The following MARF1 variants were observed in gnomAD, a reference collection of about 807,000 sequenced individuals.
MARF1 encodes meiosis regulator and mRNA stability factor 1.
A neutral mutation model predicts 168.2 loss-of-function variants in MARF1; 24 were observed. The ratio of observed to expected loss-of-function variants is 0.14; its 90% CI spans 0.10 to 0.20. The LOEUF (loss-of-function observed/expected upper bound fraction) is 0.20, where lower values mean the gene tolerates loss of function less well. MARF1 is among the 10% of genes least tolerant of loss of function. The pLI is 1.00. For missense variants in MARF1, 1,744 were observed against 2,143.6 expected, an observed-to-expected ratio of 0.81 and a Z score of 3.68; for synonymous variants, 868 against 822.4, an observed-to-expected ratio of 1.06 and a Z score of -0.95.
chr16:15,630,377 T>G lies in MARF1; in HGVS notation c.1479A>C (p.Glu493Asp). Residue 493 changes from glutamate to aspartate, a missense_variant, in exon 7 of 27, where the codon GAA (glutamate) becomes GAC (aspartate). Glu to Asp is a conservative substitution (Grantham distance 45, BLOSUM62 2). Coordinates refer to ENST00000396368, the MANE Select transcript of MARF1 (RefSeq NM_014647.4). Reference protein sequence around the residue: ...LHHANELIRFEEFISDLPPRL... With the variant: ...LHHANELIRFDEFISDLPPRL... ...TGGGGGGCAAGTCGGAAATGAACTC[T>G]TCAAATCTGATCAGCTCGTTAGCAT... is the stretch of plus-strand genomic sequence containing the variant. 6.2e-7 allele frequency: 1 copy of G among 1,613,418 alleles called. No individual in the cohort carries two copies. The highest frequency in any genetic ancestry group is 1.3e-5 in the African/African-American group (1 of 75,030).
intron 1 of MARF1, among the ~76,000 whole-genome samples, chr16:15,639,847 T>C (rs2035835534): frequency 6.6e-6 from 1 of 152,214 alleles, no homozygotes; most frequent in Non-Finnish European, 1.5e-5. Flanking sequence ...CAACCTGATT[T>C]CTTAAAAAAT....
At chr16:15,640,372 A>G (rs2035868479) in intron 1 of MARF1, among the ~76,000 whole-genome samples, 2 of 152,222 alleles carry the variant, frequency 1.3e-5, no homozygotes, top group South Asian at 2.1e-4. Flanking sequence ...CAGATGTGTT[A>G]TATCTACGCC....
chr16:15,631,087 G>A (rs893962412), intron 6 of MARF1, among the ~76,000 whole-genome samples: 3 of 152,066 alleles, frequency 2.0e-5, no homozygotes, highest in East Asian at 1.9e-4. Context: ...CCGAGATTGC[G>A]CCATCGCACT....
intron 20 of MARF1, among the ~76,000 whole-genome samples, chr16:15,608,925 A>G (rs768063153): frequency 1.3e-5 from 2 of 152,226 alleles, no homozygotes; most frequent in African/African-American, 4.8e-5. Flanking sequence ...TAAAAGTATA[A>G]AAGTAATGAA....
intron 7 of MARF1, 88 bp downstream of exon 7, chr16:15,630,244 G>GGGCCT: frequency 8.0e-7 from 1 of 1,248,742 alleles, no homozygotes. Context: ...AGCCCCATCT[G>GGGCCT]GGCCTGGCAA....
At chr16:15,608,260 GAAAA>G (rs748965777) in intron 21 of MARF1, 27 bp downstream of exon 21, 2,861 of 821,508 alleles carry the variant, frequency 3.5e-3, no homozygotes, top group East Asian at 4.3e-3. Flanking sequence ...TCCCATGAGG[GAAAA>G]AAAAAAAAAA....
In MARF1 at chr16:15,595,566, A is replaced by G. The variant is rs1422689153; in HGVS notation, c.*1127T>C. ...GGAAGGCCATTCCACACCAGACGCC[A>G]CAAGAAACCCAGAGATGCTTCCAAC... is the stretch of plus-strand genomic sequence containing the variant. On this transcript the variant is annotated 3_prime_UTR_variant, in exon 27 of 27. Coordinates refer to ENST00000396368, the MANE Select transcript of MARF1 (RefSeq NM_014647.4). The G allele has an allele frequency of 1.3e-5, 2 of 152,726 alleles. No homozygotes were observed. The highest frequency in any genetic ancestry group is 4.8e-5 in the African/African-American group (2 of 41,460). 9.5% of individuals were successfully genotyped at this position (152,726 alleles called of 1,614,324 possible).
chr16:15,624,097 G>A (rs575487850), intron 10 of MARF1, among the ~76,000 whole-genome samples: 3 of 151,676 alleles, frequency 2.0e-5, no homozygotes, highest in African/African-American at 7.3e-5. Context: ...ATTTTTAGTA[G>A]AGATGGGGTT....
chr16:15,621,773 G>A lies in MARF1; in HGVS notation c.2599C>T (p.Leu867Phe). The change falls in exon 12 of 27, where the codon CTT (leucine) becomes TTT (phenylalanine). Residue 867 changes from leucine (L) to phenylalanine (F), a missense_variant. Leu to Phe is a conservative substitution (Grantham distance 22, BLOSUM62 0). Coordinates refer to ENST00000396368, the MANE Select transcript of MARF1 (RefSeq NM_014647.4). Reference protein sequence around the residue: ...KIGSKKILVSLATGAASKSLS... With the variant: ...KIGSKKILVSFATGAASKSLS... ...GATTTGCTGGCAGCCCCGGTGGCAAGTGAGACCAGGATCTTTTTGCTGCCA... is the reference window on the plus strand; with the variant it reads ...GATTTGCTGGCAGCCCCGGTGGCAAATGAGACCAGGATCTTTTTGCTGCCA... 1 of 1,614,196 alleles carries A rather than the reference G, an allele frequency of 6.2e-7. No homozygotes were observed. The highest frequency in any genetic ancestry group is 8.5e-7 in the Non-Finnish European group (1 of 1,180,034).
intron 12 of MARF1, 54 bp downstream of exon 12, chr16:15,621,679 T>C (rs1667403315): frequency 6.6e-7 from 1 of 1,524,048 alleles, no homozygotes; most frequent in African/African-American, 1.4e-5. Flanking sequence ...ATTTCTAAAA[T>C]TGTTTCTGGG....
intron 4 of MARF1, among the ~76,000 whole-genome samples, chr16:15,634,497 C>A (rs564698215): frequency 1.3e-5 from 2 of 152,166 alleles, no homozygotes; most frequent in African/African-American, 4.8e-5. Context: ...CAAGTCTTTT[C>A]CAGCACTTTT....
At chr16:15,599,174 A>AAC (rs1567524353) in intron 25 of MARF1, 150 bp from the exon 26 acceptor site, 2 of 751,466 alleles carry the variant, frequency 2.7e-6, no homozygotes, top group African/African-American at 1.9e-5. Context: ...AAAAAAAAAA[A>AAC]ACAAAAACCC....
intron 1 of MARF1, among the ~76,000 whole-genome samples, 180 bp from the exon 2 acceptor site, chr16:15,639,471 G>A (rs2035809103): frequency 6.6e-6 from 1 of 152,186 alleles, no homozygotes; most frequent in Non-Finnish European, 1.5e-5. Flanking sequence ...TACGATCTCA[G>A]CTCACTGCAA....
At chr16:15,611,532 G>A in intron 18 of MARF1, 60 bp downstream of exon 18, 2 of 1,454,722 alleles carry the variant, frequency 1.4e-6, no homozygotes, top group Non-Finnish European at 1.9e-6. Context: ...TTTAGAGTTT[G>A]GCAGAAGATA....
chr16:15,638,059 G>A (rs533804694), intron 2 of MARF1, among the ~76,000 whole-genome samples: 118 of 152,136 alleles, frequency 7.8e-4, no homozygotes, highest in Middle Eastern at 6.8e-3. Context: ...CCAGCTACTA[G>A]GGAGGCTGAG....
intron 21 of MARF1, among the ~76,000 whole-genome samples, chr16:15,607,031 T>G (rs2033075609): frequency 6.6e-6 from 1 of 152,124 alleles, no homozygotes. Flanking sequence ...GCACCGACTC[T>G]TCCCACTGAG....
At chr16:15,621,688 G>T (rs2034471874) in intron 12 of MARF1, 45 bp downstream of exon 12, 3 of 1,561,670 alleles carry the variant, frequency 1.9e-6, no homozygotes, top group Non-Finnish European at 2.6e-6. Context: ...ATTGTTTCTG[G>T]GTCAAATGTT....
chr16:15,615,888 A>G lies in MARF1; in HGVS notation c.3195T>C (p.Ala1065=). 1 of 1,601,940 alleles carries G rather than the reference A, an allele frequency of 6.2e-7. No homozygotes were observed. The highest frequency in any genetic ancestry group is 8.5e-7 in the Non-Finnish European group (1 of 1,173,658). Residue 1065 remains alanine, a synonymous_variant, in exon 16 of 27, where the codon GCT becomes GCC. Coordinates refer to ENST00000396368, the MANE Select transcript of MARF1 (RefSeq NM_014647.4). ...TCVPGVNIAT[A]QNGIKVVKWI... ...ATTTAACCACTTTGATGCCATTCTG[A>G]GCAGTGGCAATGTTTACACCTGGAA...
In MARF1 at chr16:15,625,153, T is replaced by C; in HGVS notation, c.1974A>G (p.Ser658=). The change falls in exon 9 of 27, where the codon TCA becomes TCG. Residue 658 remains serine (S), a synonymous_variant. Coordinates refer to ENST00000396368, the MANE Select transcript of MARF1 (RefSeq NM_014647.4). ...GCTCACTGTTTCTATGACCAGTTTTTGACTCCATGCGGCACAGCTCCTTCA... is the reference window on the plus strand; with the variant it reads ...GCTCACTGTTTCTATGACCAGTTTTCGACTCCATGCGGCACAGCTCCTTCA... ...KSLQELCRME[S]KTGHRNSEHQ... is the part of the protein sequence containing the mutation. 1 of 1,614,142 alleles carries C rather than the reference T, an allele frequency of 6.2e-7. No individual in the cohort carries two copies. Among genetic ancestry groups the C allele is most frequent in the Non-Finnish European group, 8.5e-7 (1 of 1,180,026 alleles).
Sources: allele counts gnomAD v4.1 joint callset (sites outside exome capture counted in the v4.1 genomes callset), GRCh38; gene constraint gnomAD v4.1.1; transcripts MANE v1.5; gene names NCBI Gene and HGNC (gene_info 2026-07-23, HGNC 2026-07-21).